Variants in BBS7 observed in about 807,000 individuals in gnomAD.
BBS7 encodes Bardet-Biedl syndrome 7, also known as BBSome complex member BBS7.
Under a neutral mutation model 90.3 loss-of-function variants are expected in BBS7, and 50 were observed. The observed-to-expected ratio is 0.55, with a 90% CI of 0.44 to 0.70. The LOEUF (loss-of-function observed/expected upper bound fraction) is 0.70, where lower values mean the gene tolerates loss of function less well. Among genes scored for constraint, BBS7 ranks in the 30% least tolerant of loss-of-function variants. BBS7 has a pLI of 0.00. For missense variants in BBS7, 729 were observed against 838.9 expected (o/e 0.87, Z 1.62); for synonymous variants, 235 against 287.4 (o/e 0.82, Z 1.85).
At chr4:121,855,664 C>G (rs1304907867) in intron 5 of BBS7, 103 bp from the exon 6 acceptor site, 1 of 1,061,360 alleles carries the variant, frequency 9.4e-7, no homozygotes, top group African/African-American at 1.6e-5. Flanking sequence ...TTAGTAACAC[C>G]TAGAATAAAA....
At chr4:121,842,245 C>T (rs1725774288) in intron 12 of BBS7, among the ~76,000 whole-genome samples, 2 of 130,876 alleles carry the variant, frequency 1.5e-5, no homozygotes, top group Admixed American at 1.6e-4. Context: ...GAGTGAGACT[C>T]CATCTCAAAA....
rs549538444 is a variant in BBS7 at position 121,849,451 on chromosome 4, T to C, written c.850-523A>G. Among the ~76,000 whole-genome samples, 3 of 152,314 alleles carry C rather than the reference T, an allele frequency of 2.0e-5. No individual in the cohort carries two copies. In the South Asian group the frequency reaches 6.2e-4, roughly 32 times the overall value. On this transcript the variant is annotated intron_variant, in intron 8 of 18. Coordinates refer to ENST00000264499, the MANE Select transcript of BBS7 (RefSeq NM_176824.3). ...TCGTGGGCTCAAGCAATCTGCCACC[T>C]TGGCCTCCCAAACTGCTAGGATTAT...
rs1727529496 is a variant in BBS7 at position 121,870,450 on chromosome 4, T to C, written c.-137A>G. ...AGCCCCAGCTACCGCGCCTAGGTCC[T>C]GGGCTGCACAGGCGGGGCGACAGGG... On this transcript the variant is annotated 5_prime_UTR_variant, in exon 1 of 19. Coordinates refer to ENST00000264499, the MANE Select transcript of BBS7 (RefSeq NM_176824.3). 2 of 916,132 alleles carry C rather than the reference T, an allele frequency of 2.2e-6. No homozygotes were observed. Among genetic ancestry groups the C allele is most frequent in the East Asian group, 2.6e-5 (1 of 38,482 alleles). 56.8% of individuals were successfully genotyped at this position (916,132 alleles called of 1,614,324 possible).
chr4:121,868,187 TG>T, intron 1 of BBS7, 141 bp from the exon 2 acceptor site: 1 of 754,050 alleles, frequency 1.3e-6, no homozygotes, highest in Non-Finnish European at 2.3e-6. Context: ...TAATGAGATA[TG>T]TCATATTAGT....
intron 13 of BBS7, among the ~76,000 whole-genome samples, chr4:121,836,211 A>C (rs747481343): frequency 9.1e-4 from 138 of 152,296 alleles, no homozygotes; most frequent in Admixed American, 2.6e-4. Flanking sequence ...GATCTAATTT[A>C]AGAGAAGGAC....
rs1725619887 is a variant in BBS7 at position 121,839,556 on chromosome 4, C to T, written c.1371+75G>A. On this transcript the variant is annotated intron_variant, in intron 13 of 18. Transcript: ENST00000264499. ...GAAATTAAATGCAAACAAATAATAT[C>T]ATATGTTGTAAGACATACCAGCAGG... The T allele has an allele frequency of 6.0e-6, 7 of 1,172,212 alleles. No individual in the cohort carries two copies. The East Asian group carries it at 1.7e-4, about 28-fold the overall frequency. 72.6% of individuals were successfully genotyped at this position (1,172,212 alleles called of 1,614,324 possible). A position where few individuals can be genotyped will look rare whatever the true frequency, so the allele number is the denominator to read the frequency against.
At chr4:121,840,911 C>T (rs1322193086) in intron 12 of BBS7, among the ~76,000 whole-genome samples, 1 of 150,484 alleles carries the variant, frequency 6.6e-6, no homozygotes, top group East Asian at 2.0e-4. Flanking sequence ...GATCTCAGCT[C>T]AATGTAACCT....
intron 2 of BBS7, among the ~76,000 whole-genome samples, chr4:121,865,109 C>CT (rs1371856835): frequency 2.6e-5 from 4 of 152,122 alleles, no homozygotes; most frequent in East Asian, 1.9e-4. Flanking sequence ...ACGTGACCAA[C>CT]TTTTTTTAGC....
intron 14 of BBS7, 110 bp downstream of exon 14, chr4:121,835,034 A>C: frequency 9.1e-7 from 1 of 1,099,446 alleles, no homozygotes; most frequent in South Asian, 1.6e-5. Context: ...CTGTTTATTT[A>C]ATTTTTAAAA....
intron 2 of BBS7, 94 bp from the exon 3 acceptor site, chr4:121,863,373 A>T (rs1177181850): frequency 8.0e-6 from 9 of 1,130,226 alleles, no homozygotes; most frequent in Non-Finnish European, 1.0e-5. Flanking sequence ...ATTTATAAAT[A>T]CTGACTTAAT....
At chr4:121,849,641 A>G (rs1578551671) in intron 8 of BBS7, among the ~76,000 whole-genome samples, 1 of 152,138 alleles carries the variant, frequency 6.6e-6, no homozygotes, top group African/African-American at 2.4e-5. Context: ...GTCCTGTCCA[A>G]CATGGTGAAA....
chr4:121,827,866 A>T, intron 18 of BBS7: 1 of 1,077,970 alleles, frequency 9.3e-7, no homozygotes, highest in African/African-American at 1.6e-5. Flanking sequence ...CATTCATTTT[A>T]TACCAGGTTT....
In BBS7 at chr4:121,839,636, G is replaced by T. The variant is rs1725625451; in HGVS notation, c.1366C>A (p.Leu456Ile). Reference protein sequence around the residue: ...RCQADTTRLELKIRSIEGQYG... With the variant: ...RCQADTTRLEIKIRSIEGQYG... ...GTAATTTCTAATATTTTTACCTTGA[G>T]TTCCAGCCTTGTAGTATCTGCCTGG... is the stretch of plus-strand genomic sequence containing the variant. The change falls in exon 13 of 19, where the codon CTC (leucine) becomes ATC (isoleucine). Residue 456 changes from leucine to isoleucine, a missense_variant. Coordinates refer to ENST00000264499, the MANE Select transcript of BBS7 (RefSeq NM_176824.3). 1 of 1,612,768 alleles carries T rather than the reference G, an allele frequency of 6.2e-7. No homozygotes were observed. The highest frequency in any genetic ancestry group is 1.7e-5 in the Admixed American group (1 of 59,980).
At chr4:121,860,985 A>C (rs2149086928) in intron 4 of BBS7, among the ~76,000 whole-genome samples, 1 of 152,304 alleles carries the variant, frequency 6.6e-6, no homozygotes, top group African/African-American at 2.4e-5. Context: ...AGAAATAATG[A>C]ATTAGATGAA....
At chr4:121,857,175 G>T (rs569872412) in intron 5 of BBS7, among the ~76,000 whole-genome samples, 1 of 149,178 alleles carries the variant, frequency 6.7e-6, no homozygotes, top group Non-Finnish European at 1.5e-5. Context: ...CTGGAGTGCA[G>T]TGCAGTGGTG....
intron 13 of BBS7, among the ~76,000 whole-genome samples, chr4:121,838,665 G>C (rs1226904904): frequency 6.6e-6 from 1 of 151,920 alleles, no homozygotes; most frequent in African/African-American, 2.4e-5. Flanking sequence ...TAATAACTAA[G>C]TTAATTTAGA....
chr4:121,840,394 C>G (rs1725680163), intron 12 of BBS7, among the ~76,000 whole-genome samples: 1 of 152,090 alleles, frequency 6.6e-6, no homozygotes, highest in Non-Finnish European at 1.5e-5. Context: ...TGAAAATGGA[C>G]TAATACAAAA....
intron 18 of BBS7, chr4:121,827,718 C>T: frequency 1.1e-6 from 1 of 874,312 alleles, no homozygotes; most frequent in Non-Finnish European, 1.4e-6. Flanking sequence ...TAAATTGACA[C>T]AACACAAATA....
intron 8 of BBS7, among the ~76,000 whole-genome samples, chr4:121,850,177 T>G (rs565542843): frequency 1.9e-4 from 29 of 152,114 alleles, no homozygotes; most frequent in Non-Finnish European, 2.9e-4. Context: ...TTGTTTGGTT[T>G]TTTTTTTAGA....
Sources: gnomAD v4.1 joint callset for allele counts (sites outside exome capture counted in the v4.1 genomes callset) on GRCh38, gnomAD v4.1.1 for gene constraint, MANE v1.5 for transcripts, NCBI Gene and HGNC (gene_info 2026-07-23, HGNC 2026-07-21) for gene names.